Variants in SPIRE1 observed in about 807,000 individuals in gnomAD.
SPIRE1 encodes protein spire homolog 1.
Under a neutral mutation model 94.1 loss-of-function variants are expected in SPIRE1, and 40 were observed. The observed-to-expected ratio is 0.43, with a 90% CI of 0.33 to 0.55. SPIRE1 has a LOEUF of 0.55. SPIRE1 is among the 20% of genes least tolerant of loss of function. SPIRE1 has a pLI of 0.06. For missense variants in SPIRE1, 838 were observed against 975.2 expected (o/e 0.86, Z 1.87); for synonymous variants, 376 against 371.7 (o/e 1.01, Z -0.13).
intron 2 of SPIRE1, among the ~76,000 whole-genome samples, chr18:12,584,324 G>A (rs977351101): frequency 1.1e-4 from 17 of 152,034 alleles, no homozygotes; most frequent in Admixed American, 5.9e-4. Context: ...CAGCTACTTG[G>A]GAGGCTGAGG....
intron 3 of SPIRE1, among the ~76,000 whole-genome samples, chr18:12,542,609 T>C (rs1172768941): frequency 2.0e-5 from 3 of 152,198 alleles, no homozygotes; most frequent in African/African-American, 7.2e-5. Context: ...CAAATTCTTT[T>C]ATTTATTTTT....
intron 1 of SPIRE1, among the ~76,000 whole-genome samples, chr18:12,657,173 G>C (rs2038565403): frequency 6.6e-6 from 1 of 151,384 alleles, no homozygotes; most frequent in African/African-American, 2.4e-5. Flanking sequence ...GAGGCGCACA[G>C]GCCGCTGGCC....
At chr18:12,480,876 C>T (rs1317718717) in intron 9 of SPIRE1, among the ~76,000 whole-genome samples, 1 of 152,162 alleles carries the variant, frequency 6.6e-6, no homozygotes, top group East Asian at 1.9e-4. Context: ...AGAGCAGTTA[C>T]CGCATGATGT....
chr18:12,595,734 T>C (rs1206813310), intron 2 of SPIRE1, among the ~76,000 whole-genome samples: 4 of 152,218 alleles, frequency 2.6e-5, no homozygotes, highest in South Asian at 2.1e-4. Context: ...CCAAGTGGAA[T>C]AGACAAACAC....
At chr18:12,595,726 A>G (rs2036653252) in intron 2 of SPIRE1, among the ~76,000 whole-genome samples, 1 of 152,242 alleles carries the variant, frequency 6.6e-6, no homozygotes, top group African/African-American at 2.4e-5. Flanking sequence ...GCTCACAGCC[A>G]AGTGGAATAG....
chr18:12,476,788 T>G (rs755113732), intron 10 of SPIRE1, among the ~76,000 whole-genome samples: 31 of 151,848 alleles, frequency 2.0e-4, no homozygotes, highest in Non-Finnish European at 3.5e-4. Context: ...AACATCAATT[T>G]TAGATTGAAG....
At chr18:12,557,354 G>A (rs573615078) in intron 2 of SPIRE1, among the ~76,000 whole-genome samples, 1 of 152,320 alleles carries the variant, frequency 6.6e-6, no homozygotes, top group African/African-American at 2.4e-5. Flanking sequence ...CGACAGTGCT[G>A]GGGAACTCAG....
intron 2 of SPIRE1, among the ~76,000 whole-genome samples, chr18:12,583,516 C>T (rs1439416221): frequency 1.3e-5 from 2 of 151,976 alleles, no homozygotes; most frequent in East Asian, 1.9e-4. Flanking sequence ...ACAGGAGAAT[C>T]GCTTGAACCT....
chr18:12,632,702 CT>C (rs897486995), intron 2 of SPIRE1, among the ~76,000 whole-genome samples: 4 of 150,904 alleles, frequency 2.7e-5, no homozygotes, highest in Non-Finnish European at 5.9e-5. Context: ...CAAATTTTTA[CT>C]TTTTTTTTAA....
chr18:12,633,551 G>A (rs1023708180), intron 2 of SPIRE1, among the ~76,000 whole-genome samples: 14 of 151,398 alleles, frequency 9.2e-5, no homozygotes, highest in Admixed American at 5.3e-4. Flanking sequence ...ACTCCAGCCT[G>A]GGAGACACAG....
At chr18:12,618,861 C>T (rs1004558822) in intron 2 of SPIRE1, among the ~76,000 whole-genome samples, 2 of 150,738 alleles carry the variant, frequency 1.3e-5, no homozygotes, top group African/African-American at 4.9e-5. Flanking sequence ...CTATTCCACC[C>T]GCCAGCTCTG....
chr18:12,660,649 C>T (rs2038678309), upstream of SPIRE1, among the ~76,000 whole-genome samples: 1 of 152,024 alleles, frequency 6.6e-6, no homozygotes, highest in Admixed American at 6.6e-5. Context: ...AACAAATTTG[C>T]AACACTAGGA....
chr18:12,534,883 T>C (rs1374567352), intron 4 of SPIRE1, among the ~76,000 whole-genome samples: 1 of 152,188 alleles, frequency 6.6e-6, no homozygotes, highest in Non-Finnish European at 1.5e-5. Context: ...TATGTCTATA[T>C]ATCCCATTGG....
At chr18:12,576,767 T>C (rs893901942) in intron 2 of SPIRE1, among the ~76,000 whole-genome samples, 2 of 151,316 alleles carry the variant, frequency 1.3e-5, no homozygotes, top group African/African-American at 4.9e-5. Flanking sequence ...CATGTGCCTG[T>C]AGTTCCAGCT....
chr18:12,515,017 G>A (rs960143633), intron 4 of SPIRE1, among the ~76,000 whole-genome samples: 1 of 152,074 alleles, frequency 6.6e-6, no homozygotes, highest in Non-Finnish European at 1.5e-5. Context: ...CCTTTCCTTA[G>A]ACATAATGGA....
At chr18:12,620,937 C>G (rs2037448078) in intron 2 of SPIRE1, among the ~76,000 whole-genome samples, 1 of 152,092 alleles carries the variant, frequency 6.6e-6, no homozygotes, top group Admixed American at 6.6e-5. Context: ...ATAAAGAACT[C>G]TTACAATTCA....
At chr18:12,462,549 C>G (rs188749491) in intron 12 of SPIRE1, among the ~76,000 whole-genome samples, 310 of 152,252 alleles carry the variant, frequency 2.0e-3, no homozygotes, top group African/African-American at 7.3e-3. Context: ...TGAGCACCCA[C>G]TATAAGAACC....
At chr18:12,573,221 T>C (rs548371200) in intron 2 of SPIRE1, among the ~76,000 whole-genome samples, 29 of 152,080 alleles carry the variant, frequency 1.9e-4, no homozygotes, top group Non-Finnish European at 2.5e-4. Context: ...AGATGGAAAA[T>C]AAGCATATGA....
At chr18:12,661,026 G>A (rs1482617591), upstream of SPIRE1, among the ~76,000 whole-genome samples, 3 of 152,282 alleles carry the variant, frequency 2.0e-5, no homozygotes, top group East Asian at 5.8e-4. Context: ...TTGATAAGCT[G>A]GCCAGGCATG....
Sources: allele counts gnomAD v4.1 joint callset (sites outside exome capture counted in the v4.1 genomes callset), GRCh38; gene constraint gnomAD v4.1.1; transcripts MANE v1.5; gene names NCBI Gene and HGNC (gene_info 2026-07-23, HGNC 2026-07-21).